Variants in ZNF385D observed in about 807,000 individuals in gnomAD.
ZNF385D encodes zinc finger protein 659.
In ZNF385D, 15 loss-of-function variants were observed where a neutral mutation model predicts 35.8. That is an observed-to-expected ratio of 0.42 (90% confidence interval 0.28 to 0.64). The LOEUF (loss-of-function observed/expected upper bound fraction) is 0.64. Ranked by LOEUF, ZNF385D falls within the 30% of genes least tolerant of loss-of-function variation. ZNF385D has a pLI of 0.23. For missense variants in ZNF385D, 474 were observed against 494.6 expected (o/e 0.96, Z 0.39); for synonymous variants, 212 against 186.8 (o/e 1.13, Z -1.10).
At chr3:22,334,668 C>T (rs983086923) in intron 2 of ZNF385D, among the ~76,000 whole-genome samples, 9 of 152,010 alleles carry the variant, frequency 5.9e-5, no homozygotes, top group African/African-American at 1.9e-4. Context: ...GACATCAGTC[C>T]ATTGTTTCAG....
At chr3:21,636,775 A>G (rs9883352) in intron 2 of ZNF385D, among the ~76,000 whole-genome samples, 2,606 of 151,986 alleles carry the variant, frequency 0.017, 71 homozygotes, top group African/African-American at 0.059. Context: ...TTTCAATCCA[A>G]TCAAGTTGAC....
chr3:21,429,620 T>C (rs1437899356), intron 5 of ZNF385D, among the ~76,000 whole-genome samples: 2 of 152,108 alleles, frequency 1.3e-5, no homozygotes, highest in African/African-American at 4.8e-5. Flanking sequence ...GTCTCTCGAT[T>C]CACAGTGCCA....
intron 3 of ZNF385D, among the ~76,000 whole-genome samples, chr3:21,854,843 G>A (rs2125817850): frequency 6.6e-6 from 1 of 152,048 alleles, no homozygotes; most frequent in South Asian, 2.1e-4. Flanking sequence ...ATTAATTAAT[G>A]TCATTGGGTA....
rs1013960652 is a variant in ZNF385D at position 22,047,412 on chromosome 3, C to G, written c.325+121405G>C. On this transcript the variant is annotated intron_variant, in intron 3 of 5. Coordinates refer to the ZNF385D transcript ENST00000494108. ...CACCAATATCCTTTATTACCCCACTCCTCAGCCTCTAGTAACCACTATTGT... is the reference window on the plus strand; with the variant it reads ...CACCAATATCCTTTATTACCCCACTGCTCAGCCTCTAGTAACCACTATTGT... 3.5e-4 allele frequency among the ~76,000 whole-genome samples: 53 copies of G among 152,168 alleles called. 1 individual carries two copies. Among genetic ancestry groups the G allele is most frequent in the Middle Eastern group, 3.4e-3 (1 of 294 alleles).
chr3:22,002,966 T>C (rs1304845165), intron 3 of ZNF385D, among the ~76,000 whole-genome samples: 1 of 152,080 alleles, frequency 6.6e-6, no homozygotes, highest in Non-Finnish European at 1.5e-5. Context: ...ACAGCTAATA[T>C]CATGCTGAAT....
intron 2 of ZNF385D, among the ~76,000 whole-genome samples, chr3:22,358,741 C>T (rs74810293): frequency 0.028 from 4,218 of 151,728 alleles, 199 homozygotes; most frequent in African/African-American, 0.097. Context: ...GAATGTGGAG[C>T]AGGCATTGGA....
At chr3:22,124,054 T>A (rs948007728) in intron 3 of ZNF385D, among the ~76,000 whole-genome samples, 1 of 151,012 alleles carries the variant, frequency 6.6e-6, no homozygotes, top group Non-Finnish European at 1.5e-5. Context: ...TCTAACTATT[T>A]TTGTGTGCAT....
rs1015702928 is a variant in ZNF385D, at chr3:21,661,175, T to C, written c.165+3711A>G. On this transcript the variant is annotated intron_variant, in intron 2 of 7. Transcript: ENST00000281523. ...GTCGAATACTCCCAATGGTTTTGTA[T>C]GCACCTAAATCCTTAAATTATTTCC... is the stretch of plus-strand genomic sequence containing the variant. Among the ~76,000 whole-genome samples, 4 of 152,200 alleles carry C rather than the reference T, an allele frequency of 2.6e-5. 1 individual carries two copies. Among genetic ancestry groups the C allele is most frequent in the South Asian group, 4.1e-4 (2 of 4,836 alleles).
chr3:21,931,594 G>A (rs1701010884), intron 3 of ZNF385D, among the ~76,000 whole-genome samples: 2 of 152,084 alleles, frequency 1.3e-5, no homozygotes, highest in Non-Finnish European at 2.9e-5. Flanking sequence ...CAATAAACAA[G>A]AATATACCAC....
At chr3:21,946,781 G>A (rs553905646) in intron 3 of ZNF385D, among the ~76,000 whole-genome samples, 3 of 152,300 alleles carry the variant, frequency 2.0e-5, no homozygotes, top group East Asian at 1.9e-4. Context: ...GCAGTGAGCC[G>A]AAATTGCGCT....
chr3:22,162,548 AT>A (rs899662200), intron 3 of ZNF385D, among the ~76,000 whole-genome samples: 5 of 152,044 alleles, frequency 3.3e-5, no homozygotes, highest in African/African-American at 1.2e-4. Context: ...TACTTGAGAG[AT>A]TTTTTATAGG....
intron 3 of ZNF385D, among the ~76,000 whole-genome samples, chr3:22,026,634 A>G (rs1266284077): frequency 2.0e-5 from 3 of 152,210 alleles, no homozygotes; most frequent in Non-Finnish European, 4.4e-5. Context: ...ATTGGCATAG[A>G]CATATTTAGC....
chr3:21,415,456 A>C lies in ZNF385D; in HGVS notation c.*5758T>G, dbSNP rs1189086480. On this transcript the variant is annotated 3_prime_UTR_variant, in exon 8 of 8. Coordinates refer to ENST00000281523, the MANE Select transcript of ZNF385D (RefSeq NM_024697.3). ...TGCCCTAAAATGATTAATGCCCCAAAATGATTAAGACTCCCAAGTGTGACA... is the reference window on the plus strand; with the variant it reads ...TGCCCTAAAATGATTAATGCCCCAACATGATTAAGACTCCCAAGTGTGACA... 2 of 152,052 alleles carry C rather than the reference A, an allele frequency of 1.3e-5. No homozygotes were observed. Among genetic ancestry groups the C allele is most frequent in the African/African-American group, 4.8e-5 (2 of 41,418 alleles). The allele number at this position is 152,052 out of a possible 1,614,324, so 9.4% of individuals were successfully genotyped here.
rs933991092 is a variant in ZNF385D at position 21,541,290 on chromosome 3, T to C, written c.276+23284A>G. 5.9e-5 allele frequency among the ~76,000 whole-genome samples: 9 copies of C among 152,142 alleles called. 1 individual carries two copies. Among genetic ancestry groups the C allele is most frequent in the Admixed American group, 5.2e-4 (8 of 15,270 alleles). On this transcript the variant is annotated intron_variant, in intron 3 of 7. Coordinates refer to ENST00000281523, the MANE Select transcript of ZNF385D (RefSeq NM_024697.3). ...TAGTGTGAAGAAGGTTAAAAATGAATGGGTGCTACACAGATTTGGGGGCAG... is the reference window on the plus strand; with the variant it reads ...TAGTGTGAAGAAGGTTAAAAATGAACGGGTGCTACACAGATTTGGGGGCAG...
intron 2 of ZNF385D, among the ~76,000 whole-genome samples, chr3:22,345,159 A>G (rs1402287639): frequency 6.6e-6 from 1 of 152,198 alleles, no homozygotes; most frequent in African/African-American, 2.4e-5. Context: ...TGCAAACCAT[A>G]CTAATAATTT....
At chr3:21,983,468 T>C (rs1309445142) in intron 3 of ZNF385D, among the ~76,000 whole-genome samples, 1 of 120,112 alleles carries the variant, frequency 8.3e-6, no homozygotes, top group African/African-American at 3.0e-5. Context: ...TCCAATTTCA[T>C]CCATGTCCCT....
At chr3:21,975,922 T>C (rs890455076) in intron 3 of ZNF385D, among the ~76,000 whole-genome samples, 1 of 152,008 alleles carries the variant, frequency 6.6e-6, no homozygotes, top group African/African-American at 2.4e-5. Flanking sequence ...ATCAAGTGTG[T>C]TGAAAAAAGC....
chr3:21,540,738 G>A (rs979137246), intron 3 of ZNF385D, among the ~76,000 whole-genome samples: 4 of 152,150 alleles, frequency 2.6e-5, no homozygotes, highest in Non-Finnish European at 4.4e-5. Flanking sequence ...GCCCAATAAA[G>A]AGTAACCACA....
Position 21,421,272 on chromosome 3 carries a change from C to A in ZNF385D, c.1130G>T (p.Arg377Leu). ...QTSALPPALL[R>L]PAPGPIRTAH... Reference sequence around the variant, plus strand: ...GGTCCGAATGGGTCCAGGAGCTGGCCGCAGGAGTGCCGGAGGAAGCGCGGA... The same window carrying A: ...GGTCCGAATGGGTCCAGGAGCTGGCAGCAGGAGTGCCGGAGGAAGCGCGGA... The change falls in exon 8 of 8, where the codon CGG becomes CTG. Residue 377 changes from arginine (R) to leucine (L), a missense_variant. Arg to Leu is a moderately radical substitution (Grantham distance 102). Transcript: ENST00000281523. 1 of 1,613,984 alleles carries A rather than the reference C, an allele frequency of 6.2e-7. No homozygotes were observed. The highest frequency in any genetic ancestry group is 1.7e-5 in the Admixed American group (1 of 60,004).
Sources: gnomAD v4.1 joint callset for allele counts (sites outside exome capture counted in the v4.1 genomes callset) on GRCh38, gnomAD v4.1.1 for gene constraint, MANE v1.5 for transcripts, NCBI Gene and HGNC (gene_info 2026-07-23, HGNC 2026-07-21) for gene names.